The following MYO3B variants were observed in gnomAD, a reference collection of about 807,000 sequenced individuals.
MYO3B encodes myosin IIIB, also known as myosin-IIIb.
Under a neutral mutation model 174.6 loss-of-function variants are expected in MYO3B, and 156 were observed. The ratio of observed to expected loss-of-function variants is 0.89; its 90% CI spans 0.78 to 1.02. The LOEUF is 1.02. Ranked by LOEUF, MYO3B falls within the 50% of genes least tolerant of loss-of-function variation. The pLI is 0.00. For missense variants in MYO3B, 1,632 were observed against 1,639.4 expected (o/e 1.00, Z 0.08); for synonymous variants, 563 against 569.1 (o/e 0.99, Z 0.15).
At chr2:170,347,291 A>G (rs1362032589) in intron 8 of MYO3B, among the ~76,000 whole-genome samples, 1 of 152,168 alleles carries the variant, frequency 6.6e-6, no homozygotes, top group Non-Finnish European at 1.5e-5. Flanking sequence ...CTCAGATGGG[A>G]AGCTGAGTTT....
At chr2:170,614,005 A>T (rs1051872950) in intron 32 of MYO3B, among the ~76,000 whole-genome samples, 2 of 152,074 alleles carry the variant, frequency 1.3e-5, no homozygotes, top group Non-Finnish European at 2.9e-5. Flanking sequence ...CCTGATTAAT[A>T]CAAGTCCCGA....
intron 28 of MYO3B, among the ~76,000 whole-genome samples, chr2:170,506,171 C>G (rs951533401): frequency 6.6e-6 from 1 of 152,206 alleles, no homozygotes; most frequent in Non-Finnish European, 1.5e-5. Context: ...CTGGGCACAT[C>G]ATGTGATGCA....
rs551361390 is a variant in MYO3B at position 170,214,862 on chromosome 2, G to C, written c.526+34G>C. 595 of 1,496,140 alleles carry C rather than the reference G, an allele frequency of 4.0e-4. 10 individuals carry two copies. In the South Asian group the frequency reaches 5.9e-3, roughly 15 times the overall value. The allele number at this position is 1,496,140 out of a possible 1,614,324, so 92.7% of individuals were successfully genotyped here. Reference sequence around the variant, plus strand: ...TGCTTGTCGTTTGTTTTCTTGACGTGTGCAGTTTAGCCAAAGGGGACAATT... The same window carrying C: ...TGCTTGTCGTTTGTTTTCTTGACGTCTGCAGTTTAGCCAAAGGGGACAATT... On this transcript the variant is annotated intron_variant, in intron 5 of 34. Coordinates refer to ENST00000408978, the MANE Select transcript of MYO3B (RefSeq NM_138995.5).
chr2:170,243,483 C>T (rs2093158147), intron 7 of MYO3B, among the ~76,000 whole-genome samples: 1 of 152,216 alleles, frequency 6.6e-6, no homozygotes, highest in African/African-American at 2.4e-5. Context: ...GTTCAACTAG[C>T]AGCTCCATCA....
intron 22 of MYO3B, among the ~76,000 whole-genome samples, chr2:170,435,957 G>A (rs2094750396): frequency 1.3e-5 from 2 of 152,196 alleles, no homozygotes; most frequent in African/African-American, 4.8e-5. Flanking sequence ...TACTTTCCAA[G>A]CAAGGAAAAT....
At chr2:170,603,087 A>G (rs1694616409) in intron 32 of MYO3B, among the ~76,000 whole-genome samples, 1 of 150,390 alleles carries the variant, frequency 6.6e-6, no homozygotes, top group Admixed American at 6.6e-5. Flanking sequence ...GAAAAACAAA[A>G]AACAAAAAAA....
intron 8 of MYO3B, 49 bp from the exon 9 acceptor site, chr2:170,369,173 A>AG: frequency 6.4e-7 from 1 of 1,568,362 alleles, no homozygotes; most frequent in South Asian, 1.2e-5. Flanking sequence ...ATAGGGGAAC[A>AG]GGGTGTCTAA....
chr2:170,651,812 G>A, intron 33 of MYO3B, 78 bp downstream of exon 33: 1 of 1,183,900 alleles, frequency 8.4e-7, no homozygotes, highest in Non-Finnish European at 1.3e-6. Context: ...ACCTGTTCCA[G>A]CCCCTGCAGC....
intron 32 of MYO3B, among the ~76,000 whole-genome samples, chr2:170,648,898 T>C (rs1245908810): frequency 4.9e-5 from 5 of 102,946 alleles, no homozygotes; most frequent in African/African-American, 2.0e-4. Context: ...ATATATGAAA[T>C]AGTATATAAA....
chr2:170,539,189 G>A (rs1412638627), intron 30 of MYO3B, among the ~76,000 whole-genome samples: 1 of 152,086 alleles, frequency 6.6e-6, no homozygotes, highest in African/African-American at 2.4e-5. Context: ...TCAGAGGATC[G>A]AGCCATAAAA....
At chr2:170,213,358 G>A (rs951797050) in intron 3 of MYO3B, among the ~76,000 whole-genome samples, 21 of 152,168 alleles carry the variant, frequency 1.4e-4, no homozygotes, top group African/African-American at 5.1e-4. Context: ...GTGATCGATT[G>A]ACCAAGCAGG....
intron 32 of MYO3B, among the ~76,000 whole-genome samples, chr2:170,621,404 AAG>A (rs1197870194): frequency 1.3e-5 from 2 of 152,190 alleles, no homozygotes; most frequent in Admixed American, 1.3e-4. Flanking sequence ...GGCAAGTTAC[AAG>A]ATGCTCTTCC....
Position 170,416,015 on chromosome 2 carries a change from C to T in MYO3B, c.2650+8171C>T, listed in dbSNP as rs560708581. ...TTAGGGTATTTGCAGAGATAGTCCA[C>T]TTAAAATCATGTCCTTAGGGTGAGC... is the stretch of plus-strand genomic sequence containing the variant. On this transcript the variant is annotated intron_variant, in intron 22 of 34. Coordinates refer to ENST00000408978, the MANE Select transcript of MYO3B (RefSeq NM_138995.5). Among the ~76,000 whole-genome samples the T allele has an allele frequency of 8.5e-5, 13 of 152,274 alleles. 1 individual carries two copies. The highest frequency in any genetic ancestry group is 3.1e-4 in the African/African-American group (13 of 41,556).
Position 170,524,203 on chromosome 2 carries a change from C to T in MYO3B, c.3575+4663C>T, listed in dbSNP as rs114641649. Among the ~76,000 whole-genome samples the T allele has an allele frequency of 4.2e-3, 636 of 152,266 alleles. 6 individuals carry two copies. The highest frequency in any genetic ancestry group is 0.027 in the Middle Eastern group (8 of 292). On this transcript the variant is annotated intron_variant, in intron 30 of 34. Transcript: ENST00000408978. Reference sequence around the variant, plus strand: ...TATCTCATGTAATTCTCACACCAGCCTTCTGGGTTGGTGTTACTCACTCTA... The same window carrying T: ...TATCTCATGTAATTCTCACACCAGCTTTCTGGGTTGGTGTTACTCACTCTA...
chr2:170,202,384 G>T (rs1175521265), intron 3 of MYO3B, among the ~76,000 whole-genome samples: 1 of 152,130 alleles, frequency 6.6e-6, no homozygotes, highest in East Asian at 1.9e-4. Context: ...TCTAAACCAG[G>T]CTGCTACATG....
intron 28 of MYO3B, among the ~76,000 whole-genome samples, chr2:170,509,018 G>C (rs1376335127): frequency 1.5e-5 from 2 of 137,420 alleles, no homozygotes; most frequent in African/African-American, 6.3e-5. Flanking sequence ...TTCACTGGGG[G>C]GGAAAAAAGT....
At chr2:170,531,811 AG>A (rs1213442955) in intron 30 of MYO3B, among the ~76,000 whole-genome samples, 1 of 152,162 alleles carries the variant, frequency 6.6e-6, no homozygotes, top group South Asian at 2.1e-4. Context: ...AAGGAAGAGA[AG>A]AGGCTGAGCT....
chr2:170,492,249 C>G (rs1686537754), intron 25 of MYO3B, among the ~76,000 whole-genome samples: 1 of 152,162 alleles, frequency 6.6e-6, no homozygotes, highest in East Asian at 1.9e-4. Flanking sequence ...CCTTCTAATC[C>G]TCTCAGATGG....
chr2:170,513,063 C>T (rs570321173), intron 28 of MYO3B, among the ~76,000 whole-genome samples: 2 of 152,192 alleles, frequency 1.3e-5, no homozygotes, highest in African/African-American at 4.8e-5. Context: ...AATAATGGAG[C>T]TTTTCTTCCC....
Sources: allele counts gnomAD v4.1 joint callset (sites outside exome capture counted in the v4.1 genomes callset), GRCh38; gene constraint gnomAD v4.1.1; transcripts MANE v1.5; gene names NCBI Gene and HGNC (gene_info 2026-07-23, HGNC 2026-07-21).